The following RBFOX1 variants were observed in gnomAD, a reference collection of about 807,000 sequenced individuals.
RBFOX1 encodes the protein RNA binding protein fox-1 homolog 1.
Under a neutral mutation model 57.7 loss-of-function variants are expected in RBFOX1, and 8 were observed. The observed-to-expected ratio is 0.14, with a 90% CI of 0.08 to 0.25. The LOEUF is 0.25. Ranked by LOEUF, RBFOX1 falls within the 10% of genes least tolerant of loss-of-function variation. The pLI is 1.00. For missense variants in RBFOX1, 611 were observed against 548.5 expected (o/e 1.11, Z -1.14); for synonymous variants, 326 against 222.4 (o/e 1.47, Z -4.15).
chr16:6,135,976 G>A (rs1204166775), intron 1 of RBFOX1, among the ~76,000 whole-genome samples: 1 of 151,736 alleles, frequency 6.6e-6, no homozygotes, highest in African/African-American at 2.4e-5. Context: ...TGTATTTTTA[G>A]TAGAGATGGG....
At chr16:6,730,005 T>A (rs1005799992) in intron 3 of RBFOX1, among the ~76,000 whole-genome samples, 1 of 152,104 alleles carries the variant, frequency 6.6e-6, no homozygotes, top group African/African-American at 2.4e-5. Flanking sequence ...AATATTTTTG[T>A]CTAGGAAGTA....
chr16:5,264,882 C>A (rs1378879973), intron 1 of RBFOX1, among the ~76,000 whole-genome samples: 2 of 152,134 alleles, frequency 1.3e-5, no homozygotes, highest in African/African-American at 2.4e-5. Context: ...GCACCCCACA[C>A]CTCCCTGCAG....
intron 4 of RBFOX1, among the ~76,000 whole-genome samples, chr16:5,891,996 G>A (rs2058055196): frequency 6.6e-6 from 1 of 152,192 alleles, no homozygotes. Flanking sequence ...TGGGTATCGG[G>A]GAGAGGGTGA....
Position 7,683,010 on chromosome 16 carries a change from G to GTGTGTATATATATATATATATATATA in RBFOX1, c.995+6173_995+6174insGTGTATATATATATATATATATATAT. 6.1e-4 allele frequency among the ~76,000 whole-genome samples: 3 copies of GTGTGTATATATATATATATATATATA among 4,902 alleles called. 1 individual carries two copies. In the East Asian group the frequency reaches 0.015, roughly 25 times the overall value. 3.2% of individuals were successfully genotyped at this position (4,902 alleles called of 152,430 possible). A position where few individuals can be genotyped will look rare whatever the true frequency, so the allele number is the denominator to read the frequency against. ...TTAATACTTCTATGTGTGTGTGTGT[G>GTGTGTATATATATATATATATATATA]TATATATATATATATATATATATAA... is the stretch of plus-strand genomic sequence containing the variant. On this transcript the variant is annotated intron_variant, in intron 14 of 15. Transcript: ENST00000550418.
chr16:6,850,293 A>T (rs2093994544), intron 3 of RBFOX1, among the ~76,000 whole-genome samples: 1 of 152,194 alleles, frequency 6.6e-6, no homozygotes, highest in South Asian at 2.1e-4. Flanking sequence ...CATACTTACA[A>T]ATATTGACAG....
chr16:5,305,217 T>G (rs1444796317), intron 1 of RBFOX1, among the ~76,000 whole-genome samples: 1 of 152,174 alleles, frequency 6.6e-6, no homozygotes, highest in Non-Finnish European at 1.5e-5. Flanking sequence ...GGGACCGGTT[T>G]CACCTGCTAC....
At chr16:6,772,866 G>C (rs2078571943) in intron 3 of RBFOX1, among the ~76,000 whole-genome samples, 1 of 148,942 alleles carries the variant, frequency 6.7e-6, no homozygotes, top group East Asian at 2.0e-4. Flanking sequence ...ATTTGTGTGT[G>C]TGTGTCTGTG....
chr16:5,482,250 C>T lies in RBFOX1; in HGVS notation c.258+14996C>T, dbSNP rs531264907. ...TCGGGCAGCTCAAGCCTTCTTATTT[C>T]TCCAGTTGCAGATGTGGATAACTCT... On this transcript the variant is annotated intron_variant, in intron 2 of 2. Transcript: ENST00000585867. Among the ~76,000 whole-genome samples, 46 of 152,312 alleles carry T rather than the reference C, an allele frequency of 3.0e-4. 2 individuals carry two copies. In the South Asian group the frequency reaches 8.3e-3, roughly 27 times the overall value.
chr16:7,273,256 T>TCCTC (rs1722946581), intron 4 of RBFOX1, among the ~76,000 whole-genome samples: 3 of 135,116 alleles, frequency 2.2e-5, no homozygotes, highest in Non-Finnish European at 4.7e-5. Flanking sequence ...CTTCCTTCCT[T>TCCTC]CCTTCCTCCC....
At chr16:7,283,888 G>C (rs528342476) in intron 4 of RBFOX1, among the ~76,000 whole-genome samples, 3 of 152,138 alleles carry the variant, frequency 2.0e-5, no homozygotes, top group Admixed American at 2.0e-4. Flanking sequence ...ACCAGCGTCC[G>C]CATGATTTGG....
chr16:6,615,628 C>T (rs892534041), intron 2 of RBFOX1, among the ~76,000 whole-genome samples: 1 of 152,132 alleles, frequency 6.6e-6, no homozygotes, highest in Non-Finnish European at 1.5e-5. Context: ...TCCTCATTTC[C>T]TCAAAATAAA....
At chr16:7,242,508 C>G (rs1387104819) in intron 4 of RBFOX1, among the ~76,000 whole-genome samples, 2 of 152,190 alleles carry the variant, frequency 1.3e-5, no homozygotes, top group South Asian at 4.1e-4. Flanking sequence ...CCCCTGCATC[C>G]TCATTACACA....
At chr16:6,986,399 A>G (rs1348873334) in intron 3 of RBFOX1, among the ~76,000 whole-genome samples, 1 of 151,822 alleles carries the variant, frequency 6.6e-6, no homozygotes, top group East Asian at 1.9e-4. Flanking sequence ...GGGTTTCACC[A>G]TGTTGGCCAG....
chr16:5,745,067 A>G (rs919357106), intron 3 of RBFOX1, among the ~76,000 whole-genome samples: 2 of 152,094 alleles, frequency 1.3e-5, no homozygotes, highest in Non-Finnish European at 2.9e-5. Context: ...TACATTAGGT[A>G]TATCTCCCAG....
chr16:6,981,570 C>G (rs749708183), intron 3 of RBFOX1, among the ~76,000 whole-genome samples: 5 of 152,100 alleles, frequency 3.3e-5, no homozygotes, highest in Non-Finnish European at 5.9e-5. Context: ...AATTGACTGA[C>G]AGTTCCACGT....
At chr16:7,483,284 C>A (rs2064490293) in intron 4 of RBFOX1, among the ~76,000 whole-genome samples, 1 of 152,200 alleles carries the variant, frequency 6.6e-6, no homozygotes, top group Non-Finnish European at 1.5e-5. Flanking sequence ...TACTTGGGTT[C>A]TTGACGAAGA....
chr16:7,437,409 C>T (rs2098731666), intron 4 of RBFOX1, among the ~76,000 whole-genome samples: 1 of 152,072 alleles, frequency 6.6e-6, no homozygotes, highest in Admixed American at 6.6e-5. Flanking sequence ...ATGTCAGATT[C>T]TGTGGAAAGG....
chr16:6,280,550 T>G (rs977792557), intron 1 of RBFOX1, among the ~76,000 whole-genome samples: 1 of 152,016 alleles, frequency 6.6e-6, no homozygotes, highest in Non-Finnish European at 1.5e-5. Context: ...CCACACAGCA[T>G]CCAGAGGAGG....
chr16:5,943,070 C>G (rs974561661), intron 4 of RBFOX1, among the ~76,000 whole-genome samples: 12 of 152,156 alleles, frequency 7.9e-5, no homozygotes, highest in Non-Finnish European at 1.5e-5. Context: ...TGTTCCTATT[C>G]CCTCATCAGA....
Sources: gnomAD v4.1 joint callset for allele counts (sites outside exome capture counted in the v4.1 genomes callset) on GRCh38, gnomAD v4.1.1 for gene constraint, MANE v1.5 for transcripts, NCBI Gene and HGNC (gene_info 2026-07-23, HGNC 2026-07-21) for gene names.